SGCZ: variants seen among roughly 807,000 people sequenced by gnomAD.
The protein encoded by SGCZ is zeta-sarcoglycan.
A neutral mutation model predicts 41.3 loss-of-function variants in SGCZ; 40 were observed. The ratio of observed to expected loss-of-function variants is 0.97; its 90% CI spans 0.75 to 1.26. The LOEUF (loss-of-function observed/expected upper bound fraction) is 1.26, where lower values mean the gene tolerates loss of function less well. Ranked by LOEUF, SGCZ falls within the 50% of genes most tolerant of loss-of-function variation. The probability of loss-of-function intolerance (pLI) is 0.00; values close to 1 mark genes in which losing one functional copy is unlikely to be tolerated. For synonymous variants in SGCZ, 206 were observed against 137.5 expected (o/e 1.50, Z -3.49); for missense variants, 552 against 369.8 (o/e 1.49, Z -4.04).
chr8:14,270,923 C>T (rs930430266), intron 3 of SGCZ, among the ~76,000 whole-genome samples: 1 of 152,104 alleles, frequency 6.6e-6, no homozygotes, highest in African/African-American at 2.4e-5. Context: ...TGGAAACCAT[C>T]ATTCTCTGCA....
chr8:14,297,886 A>T (rs565950322), intron 3 of SGCZ, among the ~76,000 whole-genome samples: 1 of 151,758 alleles, frequency 6.6e-6, no homozygotes, highest in Admixed American at 6.6e-5. Flanking sequence ...TTTGCCACTC[A>T]TTTTAGGAGG....
intron 1 of SGCZ, among the ~76,000 whole-genome samples, chr8:15,017,837 T>C (rs146912170): frequency 6.6e-6 from 1 of 152,136 alleles, no homozygotes; most frequent in Non-Finnish European, 1.5e-5. Flanking sequence ...TTAGTTGGGC[T>C]CCACTAACAT....
chr8:15,004,466 G>A (rs73203390), intron 1 of SGCZ, among the ~76,000 whole-genome samples: 4,755 of 152,100 alleles, frequency 0.031, 105 homozygotes, highest in Middle Eastern at 0.078. Context: ...GGGAAAACTA[G>A]ACCAAAAAAG....
At chr8:15,155,087 T>A (rs887591273) in intron 1 of SGCZ, among the ~76,000 whole-genome samples, 6 of 151,744 alleles carry the variant, frequency 4.0e-5, no homozygotes, top group South Asian at 2.1e-4. Flanking sequence ...AGCCCAGGAG[T>A]TCGAGACCAG....
chr8:14,682,649 T>C (rs1418177731), intron 1 of SGCZ, among the ~76,000 whole-genome samples: 4 of 152,134 alleles, frequency 2.6e-5, no homozygotes, highest in African/African-American at 4.8e-5. Context: ...TTAGCCAGGA[T>C]GGTCTCGATC....
chr8:14,675,607 G>C (rs1340302414), intron 1 of SGCZ, among the ~76,000 whole-genome samples: 1 of 152,088 alleles, frequency 6.6e-6, no homozygotes, highest in African/African-American at 2.4e-5. Context: ...AGCTCCTACT[G>C]TTTGGCAGCT....
intron 1 of SGCZ, among the ~76,000 whole-genome samples, chr8:14,755,827 T>C (rs570404491): frequency 2.6e-5 from 4 of 152,054 alleles, no homozygotes; most frequent in African/African-American, 9.6e-5. Flanking sequence ...AAACAGGCAC[T>C]ATGCCATATA....
chr8:14,467,146 G>T lies in SGCZ; in HGVS notation c.234+87586C>A, dbSNP rs549887856. Among the ~76,000 whole-genome samples, 114 of 151,820 alleles carry T rather than the reference G, an allele frequency of 7.5e-4. 2 individuals carry two copies. Among genetic ancestry groups the T allele is most frequent in the East Asian group, 1.6e-3 (8 of 5,152 alleles). ...AGGTGTAAACTTAATGTTTTCAGAAGTCATTTCTGAAACTGTGACTTCTCC... is the reference window on the plus strand; with the variant it reads ...AGGTGTAAACTTAATGTTTTCAGAATTCATTTCTGAAACTGTGACTTCTCC... On this transcript the variant is annotated intron_variant, in intron 2 of 7. Transcript: ENST00000382080.
chr8:14,916,025 G>T (rs976746680), intron 1 of SGCZ, among the ~76,000 whole-genome samples: 9 of 152,152 alleles, frequency 5.9e-5, no homozygotes, highest in Non-Finnish European at 1.2e-4. Flanking sequence ...TTTTGTTTTA[G>T]AGTGACAACT....
intron 1 of SGCZ, among the ~76,000 whole-genome samples, chr8:15,220,369 T>G (rs1801552952): frequency 6.6e-6 from 1 of 152,140 alleles, no homozygotes; most frequent in Non-Finnish European, 1.5e-5. Flanking sequence ...TTCTTGATAT[T>G]GGTTACCCAC....
intron 1 of SGCZ, among the ~76,000 whole-genome samples, chr8:15,143,401 C>G (rs935550845): frequency 2.6e-5 from 4 of 152,088 alleles, no homozygotes; most frequent in Non-Finnish European, 4.4e-5. Flanking sequence ...CTATAAGGCT[C>G]AAGCAAAGTA....
At chr8:14,571,986 CTGAT>C (rs1215367678) in intron 1 of SGCZ, among the ~76,000 whole-genome samples, 1 of 152,116 alleles carries the variant, frequency 6.6e-6, no homozygotes. Context: ...TAACAATTAT[CTGAT>C]TGTTTAAAAT....
At chr8:15,064,170 T>C (rs1045375400) in intron 1 of SGCZ, among the ~76,000 whole-genome samples, 2 of 152,190 alleles carry the variant, frequency 1.3e-5, no homozygotes, top group Non-Finnish European at 2.9e-5. Flanking sequence ...TGACCCATAC[T>C]GTACTTCTGT....
intron 1 of SGCZ, among the ~76,000 whole-genome samples, chr8:14,576,364 G>T (rs922957878): frequency 2.6e-5 from 4 of 152,154 alleles, no homozygotes; most frequent in African/African-American, 9.7e-5. Context: ...AAAAAACTGA[G>T]TTTTAGAATC....
intron 1 of SGCZ, among the ~76,000 whole-genome samples, chr8:14,992,981 C>T (rs916465471): frequency 4.4e-4 from 66 of 151,134 alleles, no homozygotes; most frequent in African/African-American, 1.5e-3. Context: ...CAATCTACCC[C>T]CAAAACTAGT....
intron 1 of SGCZ, among the ~76,000 whole-genome samples, chr8:15,118,333 T>A (rs914734379): frequency 2.6e-5 from 4 of 152,144 alleles, no homozygotes; most frequent in African/African-American, 9.7e-5. Flanking sequence ...TCTTGGAACT[T>A]CCAGCTAGTC....
intron 1 of SGCZ, among the ~76,000 whole-genome samples, chr8:14,726,169 GA>G (rs1483456403): frequency 6.7e-6 from 1 of 150,090 alleles, no homozygotes; most frequent in Non-Finnish European, 1.5e-5. Flanking sequence ...TGAGGCAGGA[GA>G]ATCACTTGAA....
At chr8:14,851,037 G>T (rs1219813226) in intron 1 of SGCZ, among the ~76,000 whole-genome samples, 2 of 152,088 alleles carry the variant, frequency 1.3e-5, no homozygotes, top group Non-Finnish European at 2.9e-5. Flanking sequence ...TTGCTGTAGA[G>T]TATGACATTT....
chr8:14,590,599 G>A (rs1450846473), intron 1 of SGCZ, among the ~76,000 whole-genome samples: 1 of 150,130 alleles, frequency 6.7e-6, no homozygotes, highest in Non-Finnish European at 1.5e-5. Context: ...TTGTTTTAAA[G>A]TGTATTTTAT....
Sources: gnomAD v4.1 joint callset for allele counts (sites outside exome capture counted in the v4.1 genomes callset) on GRCh38, gnomAD v4.1.1 for gene constraint, MANE v1.5 for transcripts, NCBI Gene and HGNC (gene_info 2026-07-23, HGNC 2026-07-21) for gene names.